Variants in LAMA2 observed in about 807,000 individuals in gnomAD.
LAMA2 encodes laminin subunit alpha 2, also known as laminin subunit alpha-2.
Under a neutral mutation model 364.8 loss-of-function variants are expected in LAMA2, and 269 were observed. The ratio of observed to expected loss-of-function variants is 0.74; its 90% CI spans 0.67 to 0.82. The LOEUF is 0.82. LAMA2 is among the 40% of genes least tolerant of loss of function. The pLI is 0.00. For missense variants in LAMA2, 3,807 were observed against 3,873.2 expected, an observed-to-expected ratio of 0.98 and a Z score of 0.45; for synonymous variants, 1,379 against 1,370.6, an observed-to-expected ratio of 1.01 and a Z score of -0.14.
chr6:129,211,692 C>T (rs67181842), intron 12 of LAMA2, among the ~76,000 whole-genome samples: 10,946 of 152,244 alleles, frequency 0.072, 725 homozygotes, highest in African/African-American at 0.17. Flanking sequence ...ATTCAAAAAG[C>T]ATTTAAGCAT....
chr6:128,992,018 G>A (rs934175537), intron 1 of LAMA2, among the ~76,000 whole-genome samples: 7 of 152,158 alleles, frequency 4.6e-5, no homozygotes, highest in Admixed American at 2.0e-4. Context: ...TGTAGTATAG[G>A]ACAATTGATA....
intron 9 of LAMA2, among the ~76,000 whole-genome samples, chr6:129,168,322 A>T (rs1329642874): frequency 6.6e-6 from 1 of 150,482 alleles, no homozygotes; most frequent in Non-Finnish European, 1.5e-5. Flanking sequence ...TCTTTAATCC[A>T]TCTTGAATTG....
intron 4 of LAMA2, among the ~76,000 whole-genome samples, chr6:129,112,649 G>A (rs918636179): frequency 2.3e-4 from 35 of 151,762 alleles, no homozygotes; most frequent in African/African-American, 7.7e-4. Context: ...TATGCTTTTG[G>A]GGGATTAGAT....
intron 1 of LAMA2, among the ~76,000 whole-genome samples, chr6:128,892,488 C>T (rs1452646035): frequency 6.6e-6 from 1 of 151,814 alleles, no homozygotes; most frequent in African/African-American, 2.4e-5. Context: ...TTCTTTAATA[C>T]TTATAATATG....
rs376014152 is a variant in LAMA2, at chr6:129,401,341, G to A, written c.5562+1G>A. On this transcript the variant is annotated splice_donor_variant, in intron 38 of 64. Transcript: ENST00000421865. LOFTEE classifies it high-confidence loss of function. ...AGATGAAATCAACTCCATCATAGAC[G>A]TGAGTATTGGGTAAAACTCAAAAGA... 45 of 1,541,382 alleles carry A rather than the reference G, an allele frequency of 2.9e-5. No individual in the cohort carries two copies. Among genetic ancestry groups the A allele is most frequent in the African/African-American group, 8.2e-5 (6 of 73,162 alleles).
chr6:129,263,780 C>T (rs1445988533), intron 15 of LAMA2, among the ~76,000 whole-genome samples: 1 of 152,122 alleles, frequency 6.6e-6, no homozygotes, highest in Non-Finnish European at 1.5e-5. Flanking sequence ...TGCTCTGTCA[C>T]CTAGGCTGGA....
At chr6:129,295,949 C>G (rs899288306) in intron 20 of LAMA2, among the ~76,000 whole-genome samples, 9 of 151,504 alleles carry the variant, frequency 5.9e-5, no homozygotes, top group African/African-American at 2.2e-4. Context: ...GTCTTTTTGT[C>G]TATGTATTTC....
chr6:129,133,136 G>A (rs1777586881), intron 4 of LAMA2, among the ~76,000 whole-genome samples: 1 of 152,184 alleles, frequency 6.6e-6, no homozygotes, highest in African/African-American at 2.4e-5. Flanking sequence ...ACCCACTGAA[G>A]TGAAGACTCA....
Position 129,464,522 on chromosome 6 carries a change from A to C in LAMA2, c.7155+70A>C. On this transcript the variant is annotated intron_variant, in intron 50 of 64. Coordinates refer to ENST00000421865, the MANE Select transcript of LAMA2 (RefSeq NM_000426.4). ...TTGCTTCTTTTATCAGTTATTGGTA[A>C]AATCATCAGTTATTGGTAAAATTAT... is the stretch of plus-strand genomic sequence containing the variant. 7.1e-6 allele frequency: 9 copies of C among 1,262,412 alleles called. No homozygotes were observed. In the Middle Eastern group the frequency reaches 1.3e-3, roughly 183 times the overall value. 78.2% of individuals were successfully genotyped at this position (1,262,412 alleles called of 1,614,324 possible).
At chr6:128,904,365 G>T (rs891078084) in intron 1 of LAMA2, among the ~76,000 whole-genome samples, 8 of 151,366 alleles carry the variant, frequency 5.3e-5, no homozygotes, top group Non-Finnish European at 1.2e-4. Flanking sequence ...GTGATTCAGA[G>T]AATTTTTTTT....
chr6:128,965,039 T>G (rs1446476617), intron 1 of LAMA2, among the ~76,000 whole-genome samples: 1 of 151,980 alleles, frequency 6.6e-6, no homozygotes, highest in Non-Finnish European at 1.5e-5. Flanking sequence ...ATGAACAGTT[T>G]ATATGAGAGG....
chr6:128,925,368 A>G (rs1779022157), intron 1 of LAMA2, among the ~76,000 whole-genome samples: 1 of 152,218 alleles, frequency 6.6e-6, no homozygotes. Flanking sequence ...TACCATATGA[A>G]TGGACCTTGA....
chr6:128,975,095 G>A (rs969126502), intron 1 of LAMA2, among the ~76,000 whole-genome samples: 3 of 151,956 alleles, frequency 2.0e-5, no homozygotes, highest in Admixed American at 6.6e-5. Context: ...CTCGTGATCC[G>A]CCTGCCTCTG....
chr6:129,247,037 G>A (rs1195520717), intron 12 of LAMA2, among the ~76,000 whole-genome samples: 1 of 152,042 alleles, frequency 6.6e-6, no homozygotes, highest in Non-Finnish European at 1.5e-5. Context: ...TACAGCTTAT[G>A]GAAAGATTGT....
At chr6:129,240,413 C>T (rs1173285364) in intron 12 of LAMA2, among the ~76,000 whole-genome samples, 1 of 152,230 alleles carries the variant, frequency 6.6e-6, no homozygotes. Context: ...TATTTCTCCA[C>T]TATGAACAGT....
chr6:129,485,436 A>G (rs113119531), intron 55 of LAMA2, among the ~76,000 whole-genome samples: 1,552 of 152,368 alleles, frequency 0.01, 30 homozygotes, highest in African/African-American at 0.033. Flanking sequence ...ATATCATAGT[A>G]TATGCTATCT....
At position 129,251,019 on chromosome 6, in the gene LAMA2, T is replaced by C. The variant is rs185816190; in HGVS notation, c.1884+806T>C. ...CTCTCTCTTTCTGTCTCTCTCTTTC[T>C]CTCTCTCTCTGTCTCTCTCTTTCTC... On this transcript the variant is annotated intron_variant, in intron 13 of 64. Coordinates refer to ENST00000421865, the MANE Select transcript of LAMA2 (RefSeq NM_000426.4). Among the ~76,000 whole-genome samples, 17 of 146,074 alleles carry C rather than the reference T, an allele frequency of 1.2e-4. No individual in the cohort carries two copies. The East Asian group carries it at 2.8e-3, about 24-fold the overall frequency.
chr6:128,935,071 A>C (rs1370982725), intron 1 of LAMA2, among the ~76,000 whole-genome samples: 1 of 151,724 alleles, frequency 6.6e-6, no homozygotes, highest in Admixed American at 6.6e-5. Flanking sequence ...TTGGTTTCTT[A>C]TTATTATTAT....
rs1779409902 is a variant in LAMA2 at position 129,393,093 on chromosome 6, C to T, written c.5283C>T (p.Ser1761=). The change falls in exon 37 of 65, where the codon TCC becomes TCT. Residue 1761 remains serine, a synonymous_variant. Coordinates refer to ENST00000421865, the MANE Select transcript of LAMA2 (RefSeq NM_000426.4). ...LKKVKKLFGE[S]RGENEEMEKD... ...AAGTGAAGAAGCTGTTTGGAGAGTCCCGGGGGGAAAATGAAGAAATGGAGA... is the reference window on the plus strand; with the variant it reads ...AAGTGAAGAAGCTGTTTGGAGAGTCTCGGGGGGAAAATGAAGAAATGGAGA... 6.2e-7 allele frequency: 1 copy of T among 1,613,710 alleles called. No homozygotes were observed. Among genetic ancestry groups the T allele is most frequent in the African/African-American group, 1.3e-5 (1 of 74,904 alleles).
Sources: allele counts gnomAD v4.1 joint callset (sites outside exome capture counted in the v4.1 genomes callset), GRCh38; gene constraint gnomAD v4.1.1; transcripts MANE v1.5; gene names NCBI Gene and HGNC (gene_info 2026-07-23, HGNC 2026-07-21).